FAM178B: variants seen among roughly 807,000 people sequenced by gnomAD.
FAM178B encodes the protein protein FAM178B.
In FAM178B, 82 loss-of-function variants were observed where a neutral mutation model predicts 91.7. The observed-to-expected ratio is 0.89, with a 90% CI of 0.75 to 1.07. FAM178B has a LOEUF of 1.07. FAM178B is among the 50% of genes least tolerant of loss of function. The pLI is 0.00. For missense variants in FAM178B, 769 were observed against 846.7 expected (o/e 0.91, Z 1.14); for synonymous variants, 368 against 359.4 (o/e 1.02, Z -0.27).
At chr2:96,979,756 A>T (rs751509259) in intron 1 of FAM178B, among the ~76,000 whole-genome samples, 1 of 152,206 alleles carries the variant, frequency 6.6e-6, no homozygotes, top group Non-Finnish European at 1.5e-5. Context: ...CCAACTGTGT[A>T]TAAGTGTTCC....
intron 12 of FAM178B, among the ~76,000 whole-genome samples, chr2:96,915,908 C>T (rs1434161596): frequency 6.6e-6 from 1 of 152,182 alleles, no homozygotes; most frequent in African/African-American, 2.4e-5. Flanking sequence ...TTTCTTTTCC[C>T]CTAAACAGAA....
Position 96,951,487 on chromosome 2 carries a change from G to C in FAM178B, c.888-3C>G, listed in dbSNP as rs1353485685. On this transcript the variant is annotated splice_region_variant and splice_polypyrimidine_tract_variant and intron_variant, in intron 6 of 16. Coordinates refer to ENST00000490605, the MANE Select transcript of FAM178B (RefSeq NM_001122646.3). ...AGAGCTGTTGGGCTGGCGGGGAGCT[G>C]GGAGGCAGAGGGCTGAGGTTAGGGG... 6.4e-7 allele frequency: 1 copy of C among 1,550,724 alleles called. No individual in the cohort carries two copies. Among genetic ancestry groups the C allele is most frequent in the Non-Finnish European group, 8.7e-7 (1 of 1,146,174 alleles).
intron 1 of FAM178B, among the ~76,000 whole-genome samples, chr2:96,980,076 T>G (rs2082342300): frequency 6.6e-6 from 1 of 152,166 alleles, no homozygotes; most frequent in African/African-American, 2.4e-5. Flanking sequence ...TGTGGGGTTT[T>G]TTTGTTTGTT....
At chr2:96,881,243 C>T (rs1482871940) in intron 14 of FAM178B, among the ~76,000 whole-genome samples, 1 of 141,440 alleles carries the variant, frequency 7.1e-6, no homozygotes, top group African/African-American at 2.7e-5. Flanking sequence ...GCACTCCAGC[C>T]GTGGGCAACA....
chr2:96,921,398 CCCCA>C, intron 11 of FAM178B, 76 bp downstream of exon 11: 1 of 1,519,352 alleles, frequency 6.6e-7, no homozygotes, highest in African/African-American at 1.4e-5. Context: ...GCAGTGCCAT[CCCCA>C]CCCAGGGCAC....
intron 13 of FAM178B, among the ~76,000 whole-genome samples, chr2:96,900,905 C>T (rs537515925): frequency 5.9e-5 from 9 of 152,318 alleles, no homozygotes; most frequent in Admixed American, 2.6e-4. Flanking sequence ...GGTTATGCTG[C>T]CTCAGTGGCT....
intron 5 of FAM178B, among the ~76,000 whole-genome samples, chr2:96,964,336 C>T (rs574334919): frequency 6.6e-6 from 1 of 152,268 alleles, no homozygotes; most frequent in African/African-American, 2.4e-5. Flanking sequence ...TGTGTGTTAT[C>T]ACTCAACAGG....
intron 14 of FAM178B, among the ~76,000 whole-genome samples, chr2:96,881,049 G>A (rs1448466182): frequency 6.6e-6 from 1 of 152,056 alleles, no homozygotes; most frequent in Non-Finnish European, 1.5e-5. Context: ...AGCATTCTGG[G>A]AGGCTGTGGC....
At chr2:96,899,546 G>A (rs1382678196) in intron 13 of FAM178B, among the ~76,000 whole-genome samples, 1 of 151,868 alleles carries the variant, frequency 6.6e-6, no homozygotes, top group East Asian at 1.9e-4. Context: ...AGGGGAGGCA[G>A]CGCCACTCCA....
chr2:96,932,861 A>G (rs1574268791), intron 8 of FAM178B, among the ~76,000 whole-genome samples: 1 of 146,092 alleles, frequency 6.8e-6, no homozygotes, highest in Admixed American at 7.0e-5. Context: ...AATTGCTTGA[A>G]CCCAGGAGGC....
chr2:96,898,667 G>A (rs1187261498), intron 13 of FAM178B, among the ~76,000 whole-genome samples: 2 of 152,072 alleles, frequency 1.3e-5, no homozygotes, highest in Non-Finnish European at 2.9e-5. Flanking sequence ...AAATAATCCC[G>A]GCTGTACCAC....
intron 14 of FAM178B, among the ~76,000 whole-genome samples, chr2:96,883,550 A>AC (rs2080441801): frequency 6.6e-6 from 1 of 152,228 alleles, no homozygotes. Context: ...GGGAAGGCAG[A>AC]CCTGTTTCTG....
At chr2:96,918,177 T>G (rs950592344) in intron 12 of FAM178B, among the ~76,000 whole-genome samples, 7 of 118,612 alleles carry the variant, frequency 5.9e-5, no homozygotes, top group African/African-American at 2.2e-4. Context: ...ACTGAAAAAG[T>G]AAAAAAAAAA....
chr2:96,926,227 C>T (rs925792717), intron 9 of FAM178B, among the ~76,000 whole-genome samples: 1 of 152,122 alleles, frequency 6.6e-6, no homozygotes, highest in East Asian at 1.9e-4. Context: ...CGCTTTAACC[C>T]GGAGGCGGAG....
At chr2:96,894,987 G>T in intron 13 of FAM178B, 2 of 1,234,954 alleles carry the variant, frequency 1.6e-6, no homozygotes, top group Non-Finnish European at 2.1e-6. Context: ...CTCTCTTTTG[G>T]TTTAACTCTT....
intron 8 of FAM178B, among the ~76,000 whole-genome samples, chr2:96,934,067 A>C (rs1429002608): frequency 6.6e-6 from 1 of 152,266 alleles, no homozygotes; most frequent in Non-Finnish European, 1.5e-5. Flanking sequence ...TCACTCAGCA[A>C]ATGGCAAGCA....
chr2:96,981,009 T>C (rs1419022009), intron 1 of FAM178B, among the ~76,000 whole-genome samples: 1 of 152,182 alleles, frequency 6.6e-6, no homozygotes, highest in Non-Finnish European at 1.5e-5. Flanking sequence ...TCTTACTCTG[T>C]CACCCAGGTG....
chr2:96,903,260 C>A (rs141631833), intron 12 of FAM178B, among the ~76,000 whole-genome samples: 1 of 152,144 alleles, frequency 6.6e-6, no homozygotes, highest in African/African-American at 2.4e-5. Flanking sequence ...AGGATAGTCT[C>A]GATCTCCTGA....
At chr2:96,982,873 C>T (rs1464929107) in intron 1 of FAM178B, among the ~76,000 whole-genome samples, 1 of 150,830 alleles carries the variant, frequency 6.6e-6, no homozygotes, top group Non-Finnish European at 1.5e-5. Context: ...AGCCACTGCA[C>T]CCAGTCTAAT....
Sources: gnomAD v4.1 joint callset for allele counts (sites outside exome capture counted in the v4.1 genomes callset) on GRCh38, gnomAD v4.1.1 for gene constraint, MANE v1.5 for transcripts, NCBI Gene and HGNC (gene_info 2026-07-23, HGNC 2026-07-21) for gene names.